NUDT22: variants seen among roughly 807,000 people sequenced by gnomAD.
The protein encoded by NUDT22 is uridine diphosphate glucose pyrophosphatase NUDT22.
A neutral mutation model predicts 28.8 loss-of-function variants in NUDT22; 23 were observed. The ratio of observed to expected loss-of-function variants is 0.80; its 90% CI spans 0.58 to 1.13. NUDT22 has a LOEUF of 1.13. NUDT22 is among the 50% of genes most tolerant of loss of function. NUDT22 has a pLI of 0.00. For missense variants in NUDT22, 358 were observed against 387.3 expected (o/e 0.92, Z 0.64); for synonymous variants, 175 against 173.7 (o/e 1.01, Z -0.06).
intron 3 of NUDT22, 68 bp downstream of exon 3, chr11:64,227,734 C>T (rs1047436748): frequency 7.5e-7 from 1 of 1,332,436 alleles, no homozygotes; most frequent in African/African-American, 1.4e-5. Flanking sequence ...CAGAATTCTA[C>T]AGGTCTGGGC....
chr11:64,229,587 C>T lies in NUDT22; in HGVS notation c.771+16C>T. ...GGAGACACAGGTGCAGAGTGACAAACCATCTTGCTTGGAGGCCAGGGCTGG... is the reference window on the plus strand; with the variant it reads ...GGAGACACAGGTGCAGAGTGACAAATCATCTTGCTTGGAGGCCAGGGCTGG... On this transcript the variant is annotated intron_variant, in intron 5 of 5. Coordinates refer to ENST00000279206, the MANE Select transcript of NUDT22 (RefSeq NM_032344.4). 1 of 1,611,044 alleles carries T rather than the reference C, an allele frequency of 6.2e-7. No individual in the cohort carries two copies. Among genetic ancestry groups the T allele is most frequent in the South Asian group, 1.1e-5 (1 of 91,028 alleles).
intron 2 of NUDT22, 171 bp downstream of exon 2, chr11:64,227,303 C>T (rs896486054): frequency 4.9e-6 from 4 of 824,722 alleles, no homozygotes; most frequent in Non-Finnish European, 8.0e-6. Context: ...TGACCCCTGC[C>T]CCAGTCCTGT....
chr11:64,226,762 G>C lies in NUDT22; in HGVS notation c.110G>C (p.Gly37Ala). 1 of 1,610,526 alleles carries C rather than the reference G, an allele frequency of 6.2e-7. No homozygotes were observed. Among genetic ancestry groups the C allele is most frequent in the East Asian group, 2.2e-5 (1 of 44,884 alleles). Residue 37 changes from glycine (G) to alanine (A), a missense_variant, in exon 2 of 6, where the codon GGG becomes GCG. Transcript: ENST00000279206. ...PAHDRRPLPG[G>A]DEAITAIWET... ...CATGACCGTCGCCCACTGCCAGGTGGGGACGAGGCCATCACTGCCATCTGG... is the reference window on the plus strand; with the variant it reads ...CATGACCGTCGCCCACTGCCAGGTGCGGACGAGGCCATCACTGCCATCTGG...
Position 64,229,480 on chromosome 11 carries a change from G to A in NUDT22, c.680G>A (p.Cys227Tyr), listed in dbSNP as rs913179396. 3.5e-5 allele frequency: 56 copies of A among 1,614,150 alleles called. No homozygotes were observed. The highest frequency in any genetic ancestry group is 4.7e-5 in the Non-Finnish European group (56 of 1,179,978). The change falls in exon 5 of 6, where the codon TGC (cysteine) becomes TAC (tyrosine). Residue 227 changes from cysteine to tyrosine, a missense_variant and splice_region_variant. Transcript: ENST00000279206. ...GRASAEFYVQ[C>Y]SLTSEQVRKH... ...GCCACCCTTGTGTTCTTGTCCAGGT[G>A]CAGCCTGACTTCTGAGCAGGTGAGG...
rs947132629 is a variant in NUDT22 at position 64,227,568 on chromosome 11, G to A, written c.481G>A (p.Ala161Thr). 6.2e-7 allele frequency: 1 copy of A among 1,613,040 alleles called. No homozygotes were observed. The highest frequency in any genetic ancestry group is 1.7e-5 in the Admixed American group (1 of 60,034). ...AGGGGCTGAGCCTGACCTCTCACAG[G>A]CCCTGTGCCCTGGTGGCAGCCCCCA... Reference protein sequence around the residue: ...DVPGGHPEPQALCPGGSPQHQ... With the variant: ...DVPGGHPEPQTLCPGGSPQHQ... The change falls in exon 3 of 6, where the codon GCC (alanine) becomes ACC (threonine). Residue 161 changes from alanine (A) to threonine (T), a missense_variant and splice_region_variant. Ala to Thr is a moderately conservative substitution (Grantham distance 58). Transcript: ENST00000279206.
At chr11:64,227,454 T>C in intron 2 of NUDT22, 114 bp from the exon 3 acceptor site, 1 of 833,880 alleles carries the variant, frequency 1.2e-6, no homozygotes, top group Non-Finnish European at 2.1e-6. Flanking sequence ...GATCACTAAC[T>C]CTCTTACACT....
intron 1 of NUDT22, 29 bp from the exon 2 acceptor site, chr11:64,226,606 A>C: frequency 6.6e-7 from 1 of 1,524,688 alleles, no homozygotes; most frequent in South Asian, 1.3e-5. Context: ...GCCCCCCTGG[A>C]TGACAGGCCT....
In NUDT22 at chr11:64,227,128, C is replaced by T. The variant is rs1480556090; in HGVS notation, c.476C>T (p.Pro159Leu). The part of the protein sequence containing the change: ...LVDVPGGHPE[P>L]QALCPGGSPQ... The stretch of plus-strand genomic sequence containing the variant: ...GACGTACCTGGTGGGCACCCTGAGC[C>T]TCAGGTGAGATTCCAGGCTGGGCAC... Residue 159 changes from proline to leucine, a missense_variant, in exon 2 of 6, where the codon CCT (proline) becomes CTT (leucine). By Grantham distance (98) the Pro-to-Leu change is moderately conservative (BLOSUM62 -3). Coordinates refer to ENST00000279206, the MANE Select transcript of NUDT22 (RefSeq NM_032344.4). The T allele has an allele frequency of 6.3e-7, 1 of 1,587,102 alleles. No homozygotes were observed. The highest frequency in any genetic ancestry group is 2.3e-5 in the East Asian group (1 of 43,728).
chr11:64,226,516 G>C (rs532927946), intron 1 of NUDT22, 89 bp downstream of exon 1: 143 of 1,484,966 alleles, frequency 9.6e-5, no homozygotes, highest in Non-Finnish European at 1.2e-4. Flanking sequence ...GGAGTGGTCA[G>C]GGGGGTGGAG....
intron 3 of NUDT22, chr11:64,228,505 A>G (rs1278377715): frequency 1.3e-5 from 2 of 152,126 alleles, no homozygotes; most frequent in African/African-American, 4.8e-5. Context: ...TTTACTAAAA[A>G]TACCAAAAGT....
At position 64,227,073 on chromosome 11, in the gene NUDT22, C is replaced by G; in HGVS notation, c.421C>G (p.Arg141Gly). Residue 141 changes from arginine to glycine, a missense_variant, in exon 2 of 6, where the codon CGG (arginine) becomes GGG (glycine). Coordinates refer to ENST00000279206, the MANE Select transcript of NUDT22 (RefSeq NM_032344.4). ...DDFLVFLRRSRQVAEAPGLVD... is the reference protein window; with the variant it reads ...DDFLVFLRRSGQVAEAPGLVD... ...CTTCCTTGTCTTCCTGCGCCGCTCC[C>G]GGCAGGTGGCTGAGGCCCCTGGGCT... 1 of 1,600,542 alleles carries G rather than the reference C, an allele frequency of 6.2e-7. No homozygotes were observed. Among genetic ancestry groups the G allele is most frequent in the Non-Finnish European group, 8.5e-7 (1 of 1,177,768 alleles).
chr11:64,226,541 C>A, intron 1 of NUDT22, 94 bp from the exon 2 acceptor site: 5 of 1,494,034 alleles, frequency 3.3e-6, no homozygotes, highest in East Asian at 2.3e-5. Context: ...GCTGCGGATA[C>A]CCTCAGGAGG....
chr11:64,229,643 G>T (rs142508453), intron 5 of NUDT22, 72 bp downstream of exon 5: 144 of 1,446,012 alleles, frequency 1.0e-4, no homozygotes, highest in Non-Finnish European at 1.3e-4. Context: ...TGCATATCTT[G>T]TAGGGGAGGT....
intron 2 of NUDT22, 64 bp downstream of exon 2, chr11:64,227,196 C>A: frequency 2.6e-6 from 4 of 1,522,588 alleles, no homozygotes; most frequent in Non-Finnish European, 3.5e-6. Flanking sequence ...CTCCACCCTC[C>A]CAATCCTCCC....
downstream of NUDT22, chr11:64,230,164 C>T (rs2134999256): frequency 1.3e-6 from 1 of 792,396 alleles, no homozygotes; most frequent in African/African-American, 1.7e-5. Context: ...CTGTGCCTCC[C>T]TTTCTTTGCT....
At chr11:64,226,597 C>T in intron 1 of NUDT22, 38 bp from the exon 2 acceptor site, 11 of 1,521,388 alleles carry the variant, frequency 7.2e-6, no homozygotes, top group South Asian at 2.6e-5. Flanking sequence ...GTGGTAGTGG[C>T]CCCCCTGGAT....
intron 5 of NUDT22, 89 bp downstream of exon 5, chr11:64,229,660 T>G (rs1393553508): frequency 7.2e-7 from 1 of 1,388,618 alleles, no homozygotes; most frequent in Non-Finnish European, 1.0e-6. Flanking sequence ...AGGTGTTGGC[T>G]GGGTCACAAT....
At chr11:64,229,377 T>TG in intron 4 of NUDT22, 33 bp downstream of exon 4, 2 of 1,611,128 alleles carry the variant, frequency 1.2e-6, no homozygotes, top group Non-Finnish European at 1.7e-6. Flanking sequence ...TCCTGGGTCT[T>TG]GGGAAGGTGG....
downstream of NUDT22, chr11:64,230,070 T>G (rs1162145561): frequency 1.4e-6 from 2 of 1,404,154 alleles, no homozygotes; most frequent in Admixed American, 1.8e-5. Flanking sequence ...GCCCTGAGTG[T>G]GTAAGGCAGG....
Sources: gnomAD v4.1 joint callset for allele counts on GRCh38, gnomAD v4.1.1 for gene constraint, MANE v1.5 for transcripts, NCBI Gene and HGNC (gene_info 2026-07-23, HGNC 2026-07-21) for gene names.